ROBO1: variants seen among roughly 807,000 people sequenced by gnomAD.
The protein encoded by ROBO1 is roundabout guidance receptor 1.
ROBO1 carries 149 observed loss-of-function variants against 195.9 expected under a neutral mutation model. That is an observed-to-expected ratio of 0.76 (90% CI 0.67 to 0.87). The LOEUF (loss-of-function observed/expected upper bound fraction) is 0.87, where lower values mean the gene tolerates loss of function less well. Among genes scored for constraint, ROBO1 ranks in the 40% least tolerant of loss-of-function variants. ROBO1 has a pLI of 0.00. For missense variants in ROBO1, 1,933 were observed against 2,068.3 expected, an observed-to-expected ratio of 0.93 and a Z score of 1.27; for synonymous variants, 816 against 733.2, an observed-to-expected ratio of 1.11 and a Z score of -1.82.
intron 2 of ROBO1, among the ~76,000 whole-genome samples, chr3:79,462,663 A>G (rs560230465): frequency 4.7e-4 from 72 of 152,270 alleles, no homozygotes; most frequent in African/African-American, 1.7e-3. Context: ...TTTCAAACAA[A>G]TCTCCTTCAG....
chr3:78,692,609 C>G (rs1018247137), intron 8 of ROBO1, among the ~76,000 whole-genome samples: 3 of 152,082 alleles, frequency 2.0e-5, no homozygotes, highest in African/African-American at 7.2e-5. Flanking sequence ...GAGAGAGATT[C>G]TTTTAGGGAC....
At chr3:78,816,412 AT>A (rs34467798) in intron 4 of ROBO1, among the ~76,000 whole-genome samples, 144,678 of 152,164 alleles carry the variant, frequency 0.95, 69,233 homozygotes, top group East Asian at 1. Context: ...TGTTTTCATG[AT>A]TTGCTAACAC....
intron 8 of ROBO1, among the ~76,000 whole-genome samples, chr3:78,700,116 C>A (rs1379373476): frequency 6.6e-6 from 1 of 152,136 alleles, no homozygotes; most frequent in Non-Finnish European, 1.5e-5. Context: ...CAAGGTGAGG[C>A]TGCTACTCAC....
intron 4 of ROBO1, among the ~76,000 whole-genome samples, chr3:78,817,236 G>A (rs1033388128): frequency 3.3e-5 from 5 of 152,112 alleles, no homozygotes; most frequent in Non-Finnish European, 5.9e-5. Flanking sequence ...TGATCAGTCA[G>A]CAGCCATCAA....
At chr3:79,289,266 G>A (rs2032089548) in intron 2 of ROBO1, among the ~76,000 whole-genome samples, 1 of 152,056 alleles carries the variant, frequency 6.6e-6, no homozygotes, top group South Asian at 2.1e-4. Context: ...TCCTCAAGCA[G>A]ATAAACCAAT....
chr3:78,909,384 G>T (rs541038190), intron 4 of ROBO1, among the ~76,000 whole-genome samples: 5 of 151,768 alleles, frequency 3.3e-5, no homozygotes, highest in African/African-American at 4.8e-5. Flanking sequence ...GTATTTAGTT[G>T]GTCAGAAAGG....
intron 1 of ROBO1, among the ~76,000 whole-genome samples, chr3:79,764,506 A>G (rs996144798): frequency 1.3e-5 from 2 of 152,208 alleles, no homozygotes; most frequent in Non-Finnish European, 2.9e-5. Context: ...CAAATGGTGC[A>G]TTGCACCTGC....
At chr3:79,555,354 G>A (rs1942661408) in intron 2 of ROBO1, among the ~76,000 whole-genome samples, 1 of 152,000 alleles carries the variant, frequency 6.6e-6, no homozygotes, top group African/African-American at 2.4e-5. Context: ...CGATTCCTGA[G>A]AATTCAAACT....
At chr3:79,430,806 G>A (rs1410778342) in intron 2 of ROBO1, among the ~76,000 whole-genome samples, 5 of 152,098 alleles carry the variant, frequency 3.3e-5, no homozygotes, top group East Asian at 3.9e-4. Flanking sequence ...GTCTTATTCA[G>A]TTAAAATGAG....
intron 2 of ROBO1, among the ~76,000 whole-genome samples, chr3:79,389,872 A>G (rs2036883440): frequency 6.6e-6 from 1 of 152,186 alleles, no homozygotes; most frequent in African/African-American, 2.4e-5. Flanking sequence ...GAGTGAAACA[A>G]GATGCTTGGG....
At chr3:78,838,742 G>C (rs1167823671) in intron 4 of ROBO1, among the ~76,000 whole-genome samples, 1 of 152,134 alleles carries the variant, frequency 6.6e-6, no homozygotes, top group African/African-American at 2.4e-5. Flanking sequence ...TCCAACATTA[G>C]CCTTGGGGGA....
At chr3:79,678,272 ATTAG>A (rs745451073) in intron 1 of ROBO1, among the ~76,000 whole-genome samples, 30 of 151,618 alleles carry the variant, frequency 2.0e-4, no homozygotes, top group Non-Finnish European at 4.1e-4. Context: ...TGAGGAGCAG[ATTAG>A]TTAATCATAT....
chr3:79,442,290 T>C (rs1357929817), intron 2 of ROBO1, among the ~76,000 whole-genome samples: 1 of 152,190 alleles, frequency 6.6e-6, no homozygotes, highest in Non-Finnish European at 1.5e-5. Flanking sequence ...AAAACTCATC[T>C]ATAATATATC....
rs1207877533 is a variant in ROBO1, at chr3:78,659,798, G to A, written c.2330C>T (p.Ala777Val). Reference sequence around the variant, plus strand: ...GGATACAGTTACACCTTGGGGTGGGGCACTGGGTGCTATTAAATTGTTTTA... The same window carrying A: ...GGATACAGTTACACCTTGGGGTGGGACACTGGGTGCTATTAAATTGTTTTA... ...FAKTLEEAPSAPPQGVTVSKN... is the reference protein window; with the variant it reads ...FAKTLEEAPSVPPQGVTVSKN... Residue 777 changes from alanine to valine, a missense_variant, in exon 17 of 31, where the codon GCC becomes GTC. Ala to Val is a moderately conservative substitution (Grantham distance 64). This residue lies in a region of ROBO1 where 1,737 missense variants were observed against 1,882.5 expected (regional missense o/e 0.92). Coordinates refer to ENST00000464233, the MANE Select transcript of ROBO1 (RefSeq NM_002941.4). The A allele has an allele frequency of 2.5e-6, 4 of 1,602,908 alleles. No individual in the cohort carries two copies. Among genetic ancestry groups the A allele is most frequent in the Non-Finnish European group, 1.7e-6 (2 of 1,174,806 alleles).
chr3:79,027,099 A>G (rs764880215), intron 3 of ROBO1, among the ~76,000 whole-genome samples: 1 of 152,108 alleles, frequency 6.6e-6, no homozygotes, highest in African/African-American at 2.4e-5. Flanking sequence ...GAGCAAGAAG[A>G]AAGTCTGTTT....
intron 3 of ROBO1, among the ~76,000 whole-genome samples, chr3:79,000,106 G>C: frequency 6.6e-6 from 1 of 152,056 alleles, no homozygotes. Context: ...AAAGGAAAGA[G>C]GTTTAATGGA....
intron 4 of ROBO1, among the ~76,000 whole-genome samples, chr3:78,810,571 G>A (rs1194117348): frequency 6.6e-6 from 1 of 151,862 alleles, no homozygotes; most frequent in African/African-American, 2.4e-5. Context: ...TTTATTTTAA[G>A]GATTAATGAC....
At chr3:79,656,464 C>T (rs911163535) in intron 1 of ROBO1, among the ~76,000 whole-genome samples, 1 of 151,860 alleles carries the variant, frequency 6.6e-6, no homozygotes, top group Admixed American at 6.6e-5. Flanking sequence ...ATGCAAATTC[C>T]TAAAATAATA....
intron 3 of ROBO1, among the ~76,000 whole-genome samples, chr3:79,061,243 C>G (rs1292676576): frequency 6.6e-6 from 1 of 152,160 alleles, no homozygotes; most frequent in African/African-American, 2.4e-5. Flanking sequence ...AGTGAACTCC[C>G]ATGCACAATT....
Sources: allele counts gnomAD v4.1 joint callset (sites outside exome capture counted in the v4.1 genomes callset), GRCh38; gene constraint gnomAD v4.1.1; regional missense constraint gnomAD v4.1.1; transcripts MANE v1.5; gene names NCBI Gene and HGNC (gene_info 2026-07-23, HGNC 2026-07-21).